TMEM178B: variants seen among roughly 807,000 people sequenced by gnomAD.
TMEM178B encodes the protein transmembrane protein 178B.
TMEM178B carries 5 observed loss-of-function variants against 31.0 expected under a neutral mutation model. That is an observed-to-expected ratio of 0.16 (90% CI 0.08 to 0.34). The LOEUF (loss-of-function observed/expected upper bound fraction) is 0.34. Among genes scored for constraint, TMEM178B ranks in the 10% least tolerant of loss-of-function variants. The pLI is 1.00. For synonymous variants in TMEM178B, 164 were observed against 164.0 expected, an observed-to-expected ratio of 1.00 and a Z score of 0.00; for missense variants, 275 against 400.3, an observed-to-expected ratio of 0.69 and a Z score of 2.67.
chr7:141,184,663 T>C (rs1360385771), intron 1 of TMEM178B, among the ~76,000 whole-genome samples: 1 of 152,106 alleles, frequency 6.6e-6, no homozygotes, highest in Non-Finnish European at 1.5e-5. Flanking sequence ...AAACTTCTCT[T>C]CTCTAGGGCT....
intron 1 of TMEM178B, among the ~76,000 whole-genome samples, chr7:141,190,120 G>T (rs1015596171): frequency 6.6e-6 from 1 of 152,194 alleles, no homozygotes; most frequent in Non-Finnish European, 1.5e-5. Flanking sequence ...ACAAGGTTTT[G>T]TCCTGATCAA....
At chr7:141,097,627 C>G (rs1320571891) in intron 1 of TMEM178B, among the ~76,000 whole-genome samples, 1 of 151,714 alleles carries the variant, frequency 6.6e-6, no homozygotes, top group Admixed American at 6.6e-5. Context: ...TGTCCATGGT[C>G]CTGAAATCTT....
chr7:141,176,628 A>G (rs1473744133), intron 1 of TMEM178B, among the ~76,000 whole-genome samples: 1 of 152,104 alleles, frequency 6.6e-6, no homozygotes, highest in Non-Finnish European at 1.5e-5. Flanking sequence ...TGCTGCCTCA[A>G]TTTCAGAACT....
At chr7:141,291,891 G>A (rs917704384) in intron 2 of TMEM178B, among the ~76,000 whole-genome samples, 1 of 151,380 alleles carries the variant, frequency 6.6e-6, no homozygotes, top group African/African-American at 2.4e-5. Context: ...GGTCCCTGGG[G>A]GTCTGCCCTT....
intron 2 of TMEM178B, among the ~76,000 whole-genome samples, chr7:141,338,671 T>G (rs780432920): frequency 7.2e-5 from 11 of 152,154 alleles, no homozygotes; most frequent in Middle Eastern, 3.2e-3. Context: ...GCAGTATGAA[T>G]TTGCAGGGAG....
intron 2 of TMEM178B, among the ~76,000 whole-genome samples, chr7:141,361,483 C>T (rs1361054630): frequency 1.3e-5 from 2 of 152,162 alleles, no homozygotes; most frequent in East Asian, 1.9e-4. Context: ...ACACACTTTA[C>T]ATGTTTAAAA....
intron 2 of TMEM178B, among the ~76,000 whole-genome samples, chr7:141,347,816 A>C (rs1163644703): frequency 6.6e-6 from 1 of 151,710 alleles, no homozygotes; most frequent in Non-Finnish European, 1.5e-5. Context: ...CTGCCGCACC[A>C]CCAACTGTGG....
At chr7:141,310,325 G>T (rs1586884544) in intron 2 of TMEM178B, among the ~76,000 whole-genome samples, 1 of 134,064 alleles carries the variant, frequency 7.5e-6, no homozygotes, top group African/African-American at 2.5e-5. Context: ...AATATGAAAA[G>T]AAGTCATCAC....
chr7:141,485,107 A>G (rs1354669921), downstream of TMEM178B, among the ~76,000 whole-genome samples: 1 of 152,152 alleles, frequency 6.6e-6, no homozygotes, highest in African/African-American at 2.4e-5. Context: ...ATAAGACCAC[A>G]TGGGTTTCAA....
intron 2 of TMEM178B, among the ~76,000 whole-genome samples, chr7:141,271,528 G>T (rs918132991): frequency 6.6e-6 from 1 of 152,138 alleles, no homozygotes; most frequent in Non-Finnish European, 1.5e-5. Context: ...GGTATTGATC[G>T]TGGTCCCTTT....
At chr7:141,433,568 G>A (rs943640707) in intron 2 of TMEM178B, among the ~76,000 whole-genome samples, 4 of 152,170 alleles carry the variant, frequency 2.6e-5, no homozygotes, top group African/African-American at 7.2e-5. Flanking sequence ...AGGAGGAAAT[G>A]CTAGACACAT....
chr7:141,095,953 G>T (rs1418591700), intron 1 of TMEM178B, among the ~76,000 whole-genome samples: 2 of 152,170 alleles, frequency 1.3e-5, no homozygotes, highest in Admixed American at 1.3e-4. Flanking sequence ...ATCCATAGGA[G>T]TGGCCAGGTG....
chr7:141,494,909 G>A, the TMEM178B span, among the ~76,000 whole-genome samples: 1 of 152,150 alleles, frequency 6.6e-6, no homozygotes, highest in East Asian at 1.9e-4. Flanking sequence ...GTGAGGAATT[G>A]GTTAAGGTAC....
chr7:141,418,832 T>A (rs1005413951), intron 2 of TMEM178B, among the ~76,000 whole-genome samples: 2 of 152,208 alleles, frequency 1.3e-5, no homozygotes, highest in Non-Finnish European at 2.9e-5. Flanking sequence ...TCCAATTAGG[T>A]GTGTATTAGG....
chr7:141,318,424 AG>A lies in TMEM178B; in HGVS notation c.496+105721del. Among the ~76,000 whole-genome samples the A allele has an allele frequency of 6.6e-6, 1 of 152,302 alleles. No individual in the cohort carries two copies. The highest frequency in any genetic ancestry group is 2.1e-4 in the South Asian group (1 of 4,820). On this transcript the variant is annotated intron_variant, in intron 2 of 3. Coordinates refer to ENST00000565468, the MANE Select transcript of TMEM178B (RefSeq NM_001195278.2). This position sits in a 1 kb window ranked among gnomAD's most constrained non-coding sequence, Gnocchi z 4.1. ...ATTAATCTAGTGGGGGGAAAACCCA[AG>A]TGTTTGGTTTCAGGAAACTGTTCAA...
intron 2 of TMEM178B, among the ~76,000 whole-genome samples, chr7:141,252,404 G>A (rs1290863575): frequency 1.3e-5 from 2 of 152,174 alleles, no homozygotes; most frequent in Non-Finnish European, 2.9e-5. Context: ...CATATTTGCT[G>A]TTCTCAAAAG....
chr7:141,334,585 A>G (rs937966947), intron 2 of TMEM178B, among the ~76,000 whole-genome samples: 1 of 152,200 alleles, frequency 6.6e-6, no homozygotes, highest in East Asian at 1.9e-4. Flanking sequence ...ACAGGGGGGA[A>G]AAGCTGTCTG....
At chr7:141,177,831 G>T (rs1796458574) in intron 1 of TMEM178B, among the ~76,000 whole-genome samples, 1 of 151,980 alleles carries the variant, frequency 6.6e-6, no homozygotes, top group Non-Finnish European at 1.5e-5. Flanking sequence ...GAGCCTATAT[G>T]TGTCTTTGCA....
chr7:141,259,395 A>G (rs1797979484), intron 2 of TMEM178B, among the ~76,000 whole-genome samples: 1 of 152,196 alleles, frequency 6.6e-6, no homozygotes, highest in African/African-American at 2.4e-5. Context: ...TATTTATAAT[A>G]GTTACTTTGA....
Sources: gnomAD v4.1 joint callset for allele counts (sites outside exome capture counted in the v4.1 genomes callset) on GRCh38, gnomAD v4.1.1 for gene constraint, Gnocchi (gnomAD v3.1) non-coding constraint, MANE v1.5 for transcripts, NCBI Gene and HGNC (gene_info 2026-07-23, HGNC 2026-07-21) for gene names.